The following TRPM8 variants were observed in gnomAD, a reference collection of about 807,000 sequenced individuals.
The protein encoded by TRPM8 is TRPM8 cationic channel.
TRPM8 carries 110 observed loss-of-function variants against 133.7 expected under a neutral mutation model. The ratio of observed to expected loss-of-function variants is 0.82; its 90% CI spans 0.70 to 0.96. The LOEUF is 0.96. TRPM8 is among the 40% of genes least tolerant of loss of function. The probability of loss-of-function intolerance (pLI) is 0.00; values close to 1 mark genes in which losing one functional copy is unlikely to be tolerated. For synonymous variants in TRPM8, 535 were observed against 532.3 expected (o/e 1.01, Z -0.07); for missense variants, 1,291 against 1,379.5 (o/e 0.94, Z 1.02).
In TRPM8 at chr2:233,939,141, C is replaced by A; in HGVS notation, c.492C>A (p.Ile164=). 3.1e-6 allele frequency: 5 copies of A among 1,614,146 alleles called. No individual in the cohort carries two copies. Among genetic ancestry groups the A allele is most frequent in the Non-Finnish European group, 3.4e-6 (4 of 1,180,042 alleles). Residue 164 remains isoleucine (I), a synonymous_variant, in exon 5 of 26, where the codon ATC becomes ATA. Transcript: ENST00000324695. ...NFALKPRMRK[I]FSRLIYIAQS... The stretch of plus-strand genomic sequence containing the variant: ...CCCTGAAGCCGCGCATGCGCAAGAT[C>A]TTCAGCCGGCTCATCTACATCGCGC...
rs561345316 is a variant in TRPM8, at chr2:233,972,994, C to T, written c.2355+2568C>T. Among the ~76,000 whole-genome samples, 315 of 152,338 alleles carry T rather than the reference C, an allele frequency of 2.1e-3. 1 individual carries two copies. The highest frequency in any genetic ancestry group is 3.2e-3 in the Non-Finnish European group (219 of 68,032). On this transcript the variant is annotated intron_variant, in intron 17 of 25. Coordinates refer to ENST00000324695, the MANE Select transcript of TRPM8 (RefSeq NM_024080.5). ...AGGCAGAGGAGGTGCCGAGAGCAAG[C>T]GAGGGCTGTGAGGACTGCCAGCACG...
chr2:233,970,280 G>T lies in TRPM8; in HGVS notation c.2209G>T (p.Val737Phe). ...YVAFFTSPFV[V>F]FSWNVVFYIA... The stretch of plus-strand genomic sequence containing the variant: ...GGCGTTCTTCACCTCCCCCTTCGTG[G>T]TCTTCTCCTGGAATGTGGTCTTCTA... The change falls in exon 17 of 26, where the codon GTC becomes TTC. Residue 737 changes from valine to phenylalanine, a missense_variant. Val to Phe is a conservative substitution (Grantham distance 50). This residue lies in a region of TRPM8 where 963 missense variants were observed against 968.9 expected (regional missense o/e 0.99). Transcript: ENST00000324695. The T allele has an allele frequency of 2.5e-6, 4 of 1,614,142 alleles. No homozygotes were observed. Among genetic ancestry groups the T allele is most frequent in the Non-Finnish European group, 3.4e-6 (4 of 1,180,020 alleles).
chr2:233,950,249 G>T (rs999230338), intron 9 of TRPM8, 103 bp downstream of exon 9: 3 of 1,208,520 alleles, frequency 2.5e-6, no homozygotes, highest in Admixed American at 2.2e-5. Flanking sequence ...GCACGTGTTT[G>T]GTATTTTCTC....
chr2:233,987,158 T>C (rs1200378857), intron 21 of TRPM8, among the ~76,000 whole-genome samples: 1 of 152,230 alleles, frequency 6.6e-6, no homozygotes, highest in Middle Eastern at 3.2e-3. Context: ...TGTCTATCAC[T>C]AGGGAGAGGC....
intron 6 of TRPM8, among the ~76,000 whole-genome samples, chr2:233,943,692 A>T (rs1042705792): frequency 6.6e-6 from 1 of 152,214 alleles, no homozygotes; most frequent in African/African-American, 2.4e-5. Flanking sequence ...TAAAAATACA[A>T]GGTAGACATA....
At chr2:233,919,559 C>G (rs1691368613) in intron 1 of TRPM8, among the ~76,000 whole-genome samples, 1 of 151,864 alleles carries the variant, frequency 6.6e-6, no homozygotes, top group South Asian at 2.1e-4. Context: ...TGTCATCCAT[C>G]TAAAGGAGAA....
intron 14 of TRPM8, among the ~76,000 whole-genome samples, chr2:233,966,281 A>G (rs1362070640): frequency 6.6e-6 from 1 of 151,738 alleles, no homozygotes; most frequent in Admixed American, 6.6e-5. Flanking sequence ...AGAAGGTTAG[A>G]TCCCTTCTCA....
In TRPM8 at chr2:233,996,329, C is replaced by T; in HGVS notation, c.2943C>T (p.Tyr981=). The T allele has an allele frequency of 3.1e-6, 5 of 1,613,964 alleles. No homozygotes were observed. Among genetic ancestry groups the T allele is most frequent in the Non-Finnish European group, 4.2e-6 (5 of 1,179,902 alleles). The part of the protein sequence containing the change: ...LVNLLVAMFG[Y]TVGTVQENND... ...GCCTTCTCTCTTCCCTCACCAGCTA[C>T]ACGGTGGGCACCGTCCAGGAGAACA... Residue 981 remains tyrosine (Y), a synonymous_variant, in exon 22 of 26, where the codon TAC becomes TAT. Transcript: ENST00000324695.
Position 233,960,784 on chromosome 2 carries a change from C to T in TRPM8, c.1371C>T (p.Asp457=). 6.2e-7 allele frequency: 1 copy of T among 1,613,790 alleles called. No homozygotes were observed. Among genetic ancestry groups the T allele is most frequent in the South Asian group, 1.1e-5 (1 of 91,054 alleles). Residue 457 remains aspartate (D), a synonymous_variant, in exon 12 of 26, where the codon GAC becomes GAT. Transcript: ENST00000324695. ...CTGTTCTTTCTCCTTAGTCTGCTGA[C>T]CTTCAAGAAGTCATGTTTACGGCTC... The part of the protein sequence containing the change: ...FTNDRRWESA[D]LQEVMFTALI...
At chr2:233,927,280 A>G (rs1574688626) in intron 2 of TRPM8, among the ~76,000 whole-genome samples, 2 of 152,326 alleles carry the variant, frequency 1.3e-5, no homozygotes, top group East Asian at 3.9e-4. Flanking sequence ...GGTGTTGCTT[A>G]GGATTTTGAT....
rs201387728 is a variant in TRPM8 at position 233,983,058 on chromosome 2, C to A, written c.2595C>A (p.Ile865=). ...CTCCTGTCCTCCCCTGACAGCTGAT[C>A]GATGTGTTCTTCTTCCTGTTCCTCT... The part of the protein sequence containing the change: ...PKIIMLQRML[I]DVFFFLFLFA... Residue 865 remains isoleucine, a synonymous_variant, in exon 20 of 26, where the codon ATC becomes ATA. Coordinates refer to ENST00000324695, the MANE Select transcript of TRPM8 (RefSeq NM_024080.5). 6.2e-7 allele frequency: 1 copy of A among 1,612,078 alleles called. No individual in the cohort carries two copies. The highest frequency in any genetic ancestry group is 1.1e-5 in the South Asian group (1 of 90,998).
intron 11 of TRPM8, among the ~76,000 whole-genome samples, chr2:233,958,944 G>C (rs1003590954): frequency 2.0e-5 from 3 of 151,732 alleles, no homozygotes; most frequent in African/African-American, 7.3e-5. Flanking sequence ...GAGAGCCAAG[G>C]CTCCGGGAAG....
chr2:233,919,339 G>A lies in TRPM8; in HGVS notation c.-6+1907G>A, dbSNP rs145867206. Reference sequence around the variant, plus strand: ...CCTCTCCCCTCAGCAAACAACATGAGGTTTGTAACCCTTTGTTTAAATTTT... The same window carrying A: ...CCTCTCCCCTCAGCAAACAACATGAAGTTTGTAACCCTTTGTTTAAATTTT... On this transcript the variant is annotated intron_variant, in intron 1 of 25. Coordinates refer to ENST00000324695, the MANE Select transcript of TRPM8 (RefSeq NM_024080.5). Among the ~76,000 whole-genome samples, 223 of 152,184 alleles carry A rather than the reference G, an allele frequency of 1.5e-3. 1 individual carries two copies. Among genetic ancestry groups the A allele is most frequent in the African/African-American group, 5.2e-3 (216 of 41,522 alleles).
At chr2:233,999,703 G>T (rs1692501764) in intron 22 of TRPM8, among the ~76,000 whole-genome samples, 1 of 152,196 alleles carries the variant, frequency 6.6e-6, no homozygotes, top group African/African-American at 2.4e-5. Context: ...AAGGTGCATG[G>T]GGGCTTACCT....
chr2:233,943,832 C>T (rs1377314698), intron 6 of TRPM8, among the ~76,000 whole-genome samples: 2 of 152,220 alleles, frequency 1.3e-5, no homozygotes, highest in Non-Finnish European at 2.9e-5. Context: ...TAAGCTACAC[C>T]TTCTCCCATC....
At chr2:234,014,196 TA>T (rs1692904360) in intron 24 of TRPM8, among the ~76,000 whole-genome samples, 1 of 152,186 alleles carries the variant, frequency 6.6e-6, no homozygotes, top group East Asian at 1.9e-4. Flanking sequence ...AAGCAAAACT[TA>T]ATTAGTATCT....
chr2:234,018,639 G>A lies in TRPM8; in HGVS notation c.*1383G>A, dbSNP rs1693016345. Reference sequence around the variant, plus strand: ...GTGGGCAGATCACTTGAGGTCAGGAGTTCGAGACCAGCCTGGCCAACATGG... The same window carrying A: ...GTGGGCAGATCACTTGAGGTCAGGAATTCGAGACCAGCCTGGCCAACATGG... On this transcript the variant is annotated 3_prime_UTR_variant, in exon 26 of 26. Transcript: ENST00000324695. The A allele has an allele frequency of 6.6e-6, 1 of 151,802 alleles. No homozygotes were observed. Among genetic ancestry groups the A allele is most frequent in the Admixed American group, 6.6e-5 (1 of 15,238 alleles). 9.4% of individuals were successfully genotyped at this position (151,802 alleles called of 1,614,324 possible).
At chr2:233,932,964 C>A (rs1277342829) in intron 3 of TRPM8, among the ~76,000 whole-genome samples, 1 of 150,334 alleles carries the variant, frequency 6.7e-6, no homozygotes, top group Admixed American at 6.7e-5. Flanking sequence ...GGGTTGCCAC[C>A]CTAGTGCTAA....
intron 10 of TRPM8, among the ~76,000 whole-genome samples, chr2:233,954,858 A>C (rs1345976733): frequency 2.0e-5 from 3 of 152,226 alleles, no homozygotes; most frequent in Non-Finnish European, 4.4e-5. Context: ...AATCTATGGA[A>C]AAAACCTTTA....
Sources: allele counts gnomAD v4.1 joint callset (sites outside exome capture counted in the v4.1 genomes callset), GRCh38; gene constraint gnomAD v4.1.1; regional missense constraint gnomAD v4.1.1; transcripts MANE v1.5; gene names NCBI Gene and HGNC (gene_info 2026-07-23, HGNC 2026-07-21).